The following USP18 variants were observed in gnomAD, a reference collection of about 807,000 sequenced individuals.
USP18 encodes the protein ubl carboxyl-terminal hydrolase 18.
USP18 carries 11 observed loss-of-function variants against 48.7 expected under a neutral mutation model. That is an observed-to-expected ratio of 0.23 (90% CI 0.14 to 0.37). The LOEUF is 0.37. Ranked by LOEUF, USP18 falls within the 10% of genes least tolerant of loss-of-function variation. USP18 has a pLI of 1.00. For synonymous variants in USP18, 114 were observed against 163.2 expected, an observed-to-expected ratio of 0.70 and a Z score of 2.30; for missense variants, 285 against 436.4, an observed-to-expected ratio of 0.65 and a Z score of 3.09.
At chr22:18,173,674 C>T in intron 9 of USP18, 119 bp from the exon 10 acceptor site, 2 of 1,425,596 alleles carry the variant, frequency 1.4e-6, no homozygotes, top group Non-Finnish European at 1.9e-6. Context: ...TTGCTCCAGG[C>T]TCTTGGGAGT....
intron 2 of USP18, among the ~76,000 whole-genome samples, chr22:18,159,824 C>T (rs1929276454): frequency 6.6e-6 from 1 of 152,020 alleles, no homozygotes; most frequent in African/African-American, 2.4e-5. Context: ...TACAGGCGCC[C>T]ACCACCACGC....
intron 2 of USP18, among the ~76,000 whole-genome samples, 199 bp from the exon 3 acceptor site, chr22:18,159,973 G>A (rs1441196761): frequency 1.3e-5 from 2 of 151,628 alleles, no homozygotes; most frequent in Admixed American, 6.6e-5. Flanking sequence ...CACCGCACCC[G>A]GCTGATTTTT....
chr22:18,160,914 C>T (rs1328812874), intron 3 of USP18, among the ~76,000 whole-genome samples: 1 of 150,300 alleles, frequency 6.7e-6, no homozygotes, highest in African/African-American at 2.5e-5. Flanking sequence ...GGATTACAGG[C>T]GCCCGCCACC....
At chr22:18,167,652 C>T (rs1366498605) in intron 5 of USP18, among the ~76,000 whole-genome samples, 3 of 145,126 alleles carry the variant, frequency 2.1e-5, no homozygotes, top group Admixed American at 7.1e-5. Flanking sequence ...GAGCCGAGAT[C>T]GCGCCACTGC....
In USP18 at chr22:18,156,368, G is replaced by A. The variant is rs146697349; in HGVS notation, c.-106-1190G>A. 2.0e-5 allele frequency among the ~76,000 whole-genome samples: 3 copies of A among 152,298 alleles called. No homozygotes were observed. In the East Asian group the frequency reaches 5.8e-4, roughly 29 times the overall value. The stretch of plus-strand genomic sequence containing the variant: ...GAGCCAGCAGTGGCAACCTGGTCAG[G>A]TTTCCTTCCATGCTGTGGAAGCTTT... On this transcript the variant is annotated intron_variant, in intron 1 of 10. Coordinates refer to ENST00000215794, the MANE Select transcript of USP18 (RefSeq NM_017414.4).
intron 8 of USP18, among the ~76,000 whole-genome samples, chr22:18,172,224 T>A (rs1929647995): frequency 2.0e-5 from 3 of 152,252 alleles, no homozygotes. Context: ...CAGGTCTTGC[T>A]TTTCCTATAA....
At chr22:18,171,380 C>A (rs1929620785) in intron 8 of USP18, among the ~76,000 whole-genome samples, 1 of 140,294 alleles carries the variant, frequency 7.1e-6, no homozygotes, top group Non-Finnish European at 1.5e-5. Context: ...CCTGTGATCC[C>A]ACACCTCAAA....
At chr22:18,156,680 G>A (rs1929153206) in intron 1 of USP18, among the ~76,000 whole-genome samples, 1 of 152,196 alleles carries the variant, frequency 6.6e-6, no homozygotes, top group Non-Finnish European at 1.5e-5. Flanking sequence ...CACTCACCGC[G>A]AAGGTCTGCA....
At chr22:18,156,586 G>A (rs961093104) in intron 1 of USP18, among the ~76,000 whole-genome samples, 11 of 151,844 alleles carry the variant, frequency 7.2e-5, no homozygotes, top group African/African-American at 2.2e-4. Flanking sequence ...GTGAAGGTCC[G>A]CAGCTTCGCT....
intron 1 of USP18, among the ~76,000 whole-genome samples, chr22:18,156,281 T>G (rs1929134536): frequency 6.6e-6 from 1 of 152,078 alleles, no homozygotes; most frequent in Non-Finnish European, 1.5e-5. Flanking sequence ...TGGCTGTCTA[T>G]AAAATGGACC....
intron 4 of USP18, among the ~76,000 whole-genome samples, chr22:18,166,976 C>T (rs560701442): frequency 3.9e-5 from 6 of 151,988 alleles, no homozygotes; most frequent in South Asian, 2.1e-4. Context: ...TGAGTTCAAG[C>T]GATCCTCCCA....
chr22:18,163,436 G>A (rs373587228), intron 4 of USP18, among the ~76,000 whole-genome samples: 8 of 152,070 alleles, frequency 5.3e-5, no homozygotes, highest in Non-Finnish European at 1.0e-4. Context: ...GAGGTCAGGC[G>A]ATGGAGACCA....
intron 3 of USP18, 25 bp downstream of exon 3, chr22:18,160,293 A>G: frequency 6.2e-7 from 1 of 1,612,716 alleles, no homozygotes; most frequent in Non-Finnish European, 8.5e-7. Context: ...CAGGCTGATG[A>G]GCATTTGTAT....
chr22:18,164,415 G>C (rs185367007), intron 4 of USP18, among the ~76,000 whole-genome samples: 6 of 152,316 alleles, frequency 3.9e-5, no homozygotes, highest in Admixed American at 1.3e-4. Flanking sequence ...CTCGGTGGTC[G>C]AGGAGCTAGA....
At chr22:18,163,548 A>C (rs1344386264) in intron 4 of USP18, among the ~76,000 whole-genome samples, 8 of 151,944 alleles carry the variant, frequency 5.3e-5, no homozygotes, top group South Asian at 2.1e-4. Flanking sequence ...GAGGCTGAGG[A>C]AGGAGAATGG....
At chr22:18,151,735 T>C (rs1929004551) in intron 1 of USP18, among the ~76,000 whole-genome samples, 1 of 152,108 alleles carries the variant, frequency 6.6e-6, no homozygotes, top group Non-Finnish European at 1.5e-5. Flanking sequence ...ATCCGTGTGT[T>C]CTAACCCGCA....
In USP18 at chr22:18,160,033, C is replaced by T. The variant is rs575653780; in HGVS notation, c.158-139C>T. ...TTTACCATGTTGGCCAGGCTGGTCT[C>T]GAACTCCCGACCTCAGGTGATCCGC... is the stretch of plus-strand genomic sequence containing the variant. On this transcript the variant is annotated intron_variant, in intron 2 of 10. Coordinates refer to ENST00000215794, the MANE Select transcript of USP18 (RefSeq NM_017414.4). 167 of 798,426 alleles carry T rather than the reference C, an allele frequency of 2.1e-4. No individual in the cohort carries two copies. In the Middle Eastern group the frequency reaches 2.3e-3, roughly 11 times the overall value. 49.5% of individuals were successfully genotyped at this position (798,426 alleles called of 1,614,324 possible). A position where few individuals can be genotyped will look rare whatever the true frequency, so the allele number is the denominator to read the frequency against.
intron 8 of USP18, among the ~76,000 whole-genome samples, chr22:18,171,527 G>T (rs1175058052): frequency 3.3e-5 from 5 of 151,380 alleles, no homozygotes; most frequent in Admixed American, 3.3e-4. Flanking sequence ...CAGCTACTTG[G>T]GAGGCTGAGT....
Position 18,157,785 on chromosome 22 carries a change from C to T in USP18, c.122C>T (p.Pro41Leu). 6.2e-7 allele frequency: 1 copy of T among 1,614,116 alleles called. No homozygotes were observed. Among genetic ancestry groups the T allele is most frequent in the African/African-American group, 1.3e-5 (1 of 75,018 alleles). ...EEDSNMKREQ[P>L]RERPRAWDYP... Reference sequence around the variant, plus strand: ...GACAGCAACATGAAGAGAGAGCAGCCCAGAGAGCGTCCCAGGGCCTGGGAC... The same window carrying T: ...GACAGCAACATGAAGAGAGAGCAGCTCAGAGAGCGTCCCAGGGCCTGGGAC... Residue 41 changes from proline (P) to leucine (L), a missense_variant, in exon 2 of 11, where the codon CCC (proline) becomes CTC (leucine). Pro to Leu is a moderately conservative substitution (Grantham distance 98, BLOSUM62 -3). Around this residue, in one of 5 missense-constraint regions of USP18, gnomAD observed 199 missense variants for 239.6 expected, o/e 0.83. Coordinates refer to ENST00000215794, the MANE Select transcript of USP18 (RefSeq NM_017414.4).
Sources: gnomAD v4.1 joint callset for allele counts (sites outside exome capture counted in the v4.1 genomes callset) on GRCh38, gnomAD v4.1.1 for gene constraint, gnomAD v4.1.1 regional missense constraint, MANE v1.5 for transcripts, NCBI Gene and HGNC (gene_info 2026-07-23, HGNC 2026-07-21) for gene names.